PDE4C: variants seen among roughly 807,000 people sequenced by gnomAD.
The protein encoded by PDE4C is 3',5'-cyclic-AMP phosphodiesterase 4C.
Under a neutral mutation model 63.9 loss-of-function variants are expected in PDE4C, and 50 were observed. The observed-to-expected ratio is 0.78, with a 90% CI of 0.62 to 0.99. The LOEUF is 0.99. PDE4C is among the 50% of genes least tolerant of loss of function. PDE4C has a pLI of 0.00. For missense variants in PDE4C, 777 were observed against 899.1 expected, an observed-to-expected ratio of 0.86 and a Z score of 1.74; for synonymous variants, 377 against 385.1, an observed-to-expected ratio of 0.98 and a Z score of 0.25.
At chr19:18,229,266 A>G (rs11672369), upstream of PDE4C, among the ~76,000 whole-genome samples, 99,128 of 150,826 alleles carry the variant, frequency 0.66, 33,067 homozygotes, top group East Asian at 0.71. Context: ...TTTGAGACAC[A>G]GTTTCACTCT....
chr19:18,242,242 G>A (rs533915404), intron 1 of PDE4C, among the ~76,000 whole-genome samples: 9 of 152,090 alleles, frequency 5.9e-5, no homozygotes, highest in Non-Finnish European at 1.3e-4. Context: ...TTGGGAGGCC[G>A]AGGCAGGCAG....
intron 12 of PDE4C, among the ~76,000 whole-genome samples, chr19:18,213,872 C>T (rs576662756): frequency 1.3e-5 from 2 of 152,322 alleles, no homozygotes; most frequent in African/African-American, 4.8e-5. Context: ...AACCCTAGAA[C>T]CAATCCAGCC....
At chr19:18,218,244 A>G (rs1968289375) in exon 11 of PDE4C, 10 of 1,614,170 alleles carry the variant, frequency 6.2e-6, no homozygotes, top group Non-Finnish European at 8.5e-6. Flanking sequence ...GTCTGTGAAC[A>G]CAGCCTGAGC....
chr19:18,220,485 G>C lies in PDE4C; in HGVS notation c.530C>G (p.Thr177Arg). The change falls in exon 6 of 15, where the codon ACG (threonine) becomes AGG (arginine). Residue 177 changes from threonine (T) to arginine (R), a missense_variant. Physicochemically the swap from Thr to Arg is moderately conservative, Grantham distance 71 (BLOSUM62 -1). Around this residue, in one of 3 missense-constraint regions of PDE4C, gnomAD observed 249 missense variants for 247.8 expected, o/e 1.00. Transcript: ENST00000262805. This position sits in a 1 kb window ranked among gnomAD's most constrained non-coding sequence, Gnocchi z 5.1. ...CAGGCACCAGTCCAGCTCGTCTAGC[G>C]TCTCCAATGCCAGCTTCTGCCCCGT... 1 of 1,614,138 alleles carries C rather than the reference G, an allele frequency of 6.2e-7. No homozygotes were observed. The highest frequency in any genetic ancestry group is 8.5e-7 in the Non-Finnish European group (1 of 1,180,018).
At chr19:18,221,439 A>G (rs1600081471) in intron 2 of PDE4C, 142 bp from the exon 3 acceptor site, 1 of 730,124 alleles carries the variant, frequency 1.4e-6, no homozygotes. Context: ...CCCTCATGCG[A>G]CTCTCCCTGA....
rs148556739 is a variant in PDE4C, at chr19:18,240,915, G to A, written c.-210+7256C>T. ...TGGAGGGCCCTCTGACTCGTGTTGT[G>A]GAGGAAGACATCAAAGCTTGGAGAG... On this transcript the variant is annotated intron_variant, in intron 1 of 15. Coordinates refer to the PDE4C transcript ENST00000594617. Among the ~76,000 whole-genome samples, 473 of 152,264 alleles carry A rather than the reference G, an allele frequency of 3.1e-3. 2 individuals are homozygous for A. Among genetic ancestry groups the A allele is most frequent in the African/African-American group, 0.011 (437 of 41,564 alleles).
At chr19:18,239,473 G>A (rs879104121) in intron 1 of PDE4C, among the ~76,000 whole-genome samples, 7 of 152,310 alleles carry the variant, frequency 4.6e-5, no homozygotes, top group Admixed American at 2.6e-4. Flanking sequence ...AAATGGAGGC[G>A]AAAGGGGTAC....
intron 1 of PDE4C, among the ~76,000 whole-genome samples, chr19:18,243,075 G>T (rs1172640342): frequency 1.3e-5 from 2 of 152,098 alleles, no homozygotes; most frequent in Non-Finnish European, 2.9e-5. Context: ...TAGCCACGGG[G>T]TGTGAGAAAG....
chr19:18,214,893 G>A (rs1968121929), intron 12 of PDE4C, among the ~76,000 whole-genome samples: 1 of 147,848 alleles, frequency 6.8e-6, no homozygotes, highest in Non-Finnish European at 1.5e-5. Context: ...AGGTTGCAGT[G>A]AGCCAGGATC....
chr19:18,231,274 GACGTGTGTGTGCACAC>G (rs1308560144), upstream of PDE4C, among the ~76,000 whole-genome samples: 1 of 152,208 alleles, frequency 6.6e-6, no homozygotes, highest in African/African-American at 2.4e-5. Context: ...TGCGCAGAAC[GACGTGTGTGTGCACAC>G]ACACGTGCAC....
chr19:18,210,973 C>G (rs878971994), exon 15 of PDE4C: 33 of 1,613,842 alleles, frequency 2.0e-5, no homozygotes, highest in Non-Finnish European at 2.6e-5. Flanking sequence ...GGGTCTGGGC[C>G]GGCTTCAGGG....
At chr19:18,250,119 C>T (rs1255465536), upstream of PDE4C, 1 of 398,644 alleles carries the variant, frequency 2.5e-6, no homozygotes. Context: ...TCTCTGTTGG[C>T]TCCTCAGGGC....
At position 18,219,233 on chromosome 19, in the gene PDE4C, C is replaced by A; in HGVS notation, c.870+1G>T. The A allele has an allele frequency of 6.2e-7, 1 of 1,614,170 alleles. No homozygotes were observed. The highest frequency in any genetic ancestry group is 8.5e-7 in the Non-Finnish European group (1 of 1,180,046). ...TCTTGGCATTGTGGTTGGGGACCCACCTTGGCCAGTTGCTCCTCCTGGTCA... is the reference window on the plus strand; with the variant it reads ...TCTTGGCATTGTGGTTGGGGACCCAACTTGGCCAGTTGCTCCTCCTGGTCA... On this transcript the variant is annotated splice_donor_variant, in intron 8 of 14. Coordinates refer to ENST00000262805, the Ensembl canonical transcript of PDE4C. LOFTEE classifies it high-confidence loss of function.
At position 18,216,906 on chromosome 19, in the gene PDE4C, A is replaced by G; in HGVS notation, c.1235-11T>C. 1.0e-5 allele frequency: 16 copies of G among 1,597,624 alleles called. No homozygotes were observed. Among genetic ancestry groups the G allele is most frequent in the East Asian group, 2.2e-5 (1 of 44,476 alleles). Reference sequence around the variant, plus strand: ...GCGCCAGCTCTGAGTCTGTGAGGGTATGGGACTGAGAGCCCCAAGATCCAC... The same window carrying G: ...GCGCCAGCTCTGAGTCTGTGAGGGTGTGGGACTGAGAGCCCCAAGATCCAC... On this transcript the variant is annotated splice_polypyrimidine_tract_variant and intron_variant, in intron 11 of 14. Coordinates refer to ENST00000262805, the Ensembl canonical transcript of PDE4C.
At chr19:18,238,220 C>G (rs1396090529), upstream of PDE4C, among the ~76,000 whole-genome samples, 1 of 151,366 alleles carries the variant, frequency 6.6e-6, no homozygotes, top group African/African-American at 2.4e-5. Flanking sequence ...GTGAGACCCC[C>G]TGTATCTCTC....
Position 18,243,157 on chromosome 19 carries a change from T to C in PDE4C, c.-210+5014A>G, listed in dbSNP as rs554311791. 3.0e-4 allele frequency among the ~76,000 whole-genome samples: 46 copies of C among 152,214 alleles called. 1 individual carries two copies. The South Asian group carries it at 8.9e-3, about 29-fold the overall frequency. ...AGTTTCGCTCTTGTTGCCCAGGCTG[T>C]AGTGTAATGGCACAGTCTCACTGCA... On this transcript the variant is annotated intron_variant, in intron 1 of 15. Coordinates refer to the PDE4C transcript ENST00000594617.
chr19:18,250,638 A>G (rs1454282147), upstream of PDE4C, among the ~76,000 whole-genome samples: 5 of 151,840 alleles, frequency 3.3e-5, no homozygotes. Flanking sequence ...ACAGGGTCTC[A>G]CTCTGTCACC....
intron 1 of PDE4C, among the ~76,000 whole-genome samples, chr19:18,246,322 T>A (rs1969132086): frequency 6.6e-6 from 1 of 150,674 alleles, no homozygotes; most frequent in Non-Finnish European, 1.5e-5. Flanking sequence ...TAGCTGGGAC[T>A]ACAGGCGTAC....
upstream of PDE4C, among the ~76,000 whole-genome samples, chr19:18,237,715 A>C (rs1968976041): frequency 6.6e-6 from 1 of 151,858 alleles, no homozygotes; most frequent in Non-Finnish European, 1.5e-5. Context: ...GACTAAAAAT[A>C]CAAAAAAATT....
Sources: gnomAD v4.1 joint callset for allele counts (sites outside exome capture counted in the v4.1 genomes callset) on GRCh38, gnomAD v4.1.1 for gene constraint, gnomAD v4.1.1 regional missense constraint, Gnocchi (gnomAD v3.1) non-coding constraint, MANE v1.5 for transcripts, NCBI Gene and HGNC (gene_info 2026-07-23, HGNC 2026-07-21) for gene names.